The following ELOVL7 variants were observed in gnomAD, a reference collection of about 807,000 sequenced individuals.
ELOVL7 encodes the protein ELOVL fatty acid elongase 7.
Under a neutral mutation model 35.7 loss-of-function variants are expected in ELOVL7, and 27 were observed. The ratio of observed to expected loss-of-function variants is 0.76; its 90% confidence interval spans 0.56 to 1.04. ELOVL7 has a LOEUF of 1.04. Among genes scored for constraint, ELOVL7 ranks in the 50% least tolerant of loss-of-function variants. The probability of loss-of-function intolerance (pLI) is 0.00; values close to 1 mark genes in which losing one functional copy is unlikely to be tolerated. For synonymous variants in ELOVL7, 113 were observed against 114.6 expected, an observed-to-expected ratio of 0.99 and a Z score of 0.09; for missense variants, 327 against 340.8, an observed-to-expected ratio of 0.96 and a Z score of 0.32.
chr5:60,792,818 T>C (rs1744018193), intron 2 of ELOVL7, among the ~76,000 whole-genome samples: 1 of 152,198 alleles, frequency 6.6e-6, no homozygotes, highest in Non-Finnish European at 1.5e-5. Flanking sequence ...TCAGACCTGG[T>C]GATGGCTTAA....
At chr5:60,830,013 G>A (rs1451685190) in intron 1 of ELOVL7, among the ~76,000 whole-genome samples, 1 of 152,102 alleles carries the variant, frequency 6.6e-6, no homozygotes, top group African/African-American at 2.4e-5. Context: ...TCCTCCCCCT[G>A]ATCATTTCAT....
At chr5:60,773,026 C>CA (rs1174540315) in intron 3 of ELOVL7, among the ~76,000 whole-genome samples, 4 of 151,480 alleles carry the variant, frequency 2.6e-5, no homozygotes, top group Non-Finnish European at 4.4e-5. Context: ...ATATTCTGAG[C>CA]AAAAAAAATG....
In ELOVL7 at chr5:60,764,339, TA is replaced by T; in HGVS notation, c.394-8del. On this transcript the variant is annotated splice_region_variant and splice_polypyrimidine_tract_variant and intron_variant, in intron 6 of 8. Coordinates refer to ENST00000508821, the MANE Select transcript of ELOVL7 (RefSeq NM_024930.3). Reference sequence around the variant, plus strand: ...TGCGCAGAACAAAAAAGATCTGAAATAATTTAAAGAATATCAAGTTCACAGA... The same window carrying T: ...TGCGCAGAACAAAAAAGATCTGAAATATTTAAAGAATATCAAGTTCACAGA... 1 of 1,591,586 alleles carries T rather than the reference TA, an allele frequency of 6.3e-7. No homozygotes were observed. Among genetic ancestry groups the T allele is most frequent in the Non-Finnish European group, 8.6e-7 (1 of 1,160,060 alleles).
At chr5:60,817,643 A>T (rs1745592168) in intron 1 of ELOVL7, among the ~76,000 whole-genome samples, 1 of 147,696 alleles carries the variant, frequency 6.8e-6, no homozygotes, top group African/African-American at 2.5e-5. Flanking sequence ...ATTAGTATAT[A>T]TATTAAGTAT....
chr5:60,827,485 A>G (rs1288540352), intron 1 of ELOVL7, among the ~76,000 whole-genome samples: 1 of 152,198 alleles, frequency 6.6e-6, no homozygotes, highest in Non-Finnish European at 1.5e-5. Context: ...TAAACATAGA[A>G]AAACATTTTC....
chr5:60,776,594 T>G (rs1281227470), intron 3 of ELOVL7, among the ~76,000 whole-genome samples: 1 of 152,150 alleles, frequency 6.6e-6, no homozygotes, highest in Non-Finnish European at 1.5e-5. Context: ...TTGGAGACCA[T>G]TATCCTAAGC....
At position 60,803,120 on chromosome 5, in the gene ELOVL7, A is replaced by G. The variant is rs138329404; in HGVS notation, c.-85-3890T>C. ...AAATGTCCCTTCCCAGAATTGCATC[A>G]CATGCCAACATTTAAACCACGCACT... On this transcript the variant is annotated intron_variant, in intron 1 of 8. Coordinates refer to ENST00000508821, the MANE Select transcript of ELOVL7 (RefSeq NM_024930.3). Among the ~76,000 whole-genome samples, 55 of 152,276 alleles carry G rather than the reference A, an allele frequency of 3.6e-4. No homozygotes were observed. The Middle Eastern group carries it at 0.014, about 38-fold the overall frequency.
Position 60,787,374 on chromosome 5 carries a change from C to G in ELOVL7, c.24G>C (p.Ser8=). 6.2e-7 allele frequency: 1 copy of G among 1,603,756 alleles called. No homozygotes were observed. The highest frequency in any genetic ancestry group is 1.1e-5 in the South Asian group (1 of 88,580). Residue 8 remains serine (S), a synonymous_variant, in exon 3 of 9, where the codon TCG becomes TCC. Transcript: ENST00000508821. ...AATTATCATAAAGATGCACAGTCCTCGATGTAAGATCACTGAAGGCCATTT... is the reference window on the plus strand; with the variant it reads ...AATTATCATAAAGATGCACAGTCCTGGATGTAAGATCACTGAAGGCCATTT... MAFSDLT[S]RTVHLYDNWI...
intron 1 of ELOVL7, among the ~76,000 whole-genome samples, chr5:60,801,497 T>C (rs922605762): frequency 3.3e-5 from 5 of 151,026 alleles, no homozygotes; most frequent in South Asian, 2.1e-4. Context: ...AGCCCAGGAG[T>C]TGAAGACCAG....
chr5:60,756,406 T>C (rs571623846), intron 8 of ELOVL7, among the ~76,000 whole-genome samples: 4 of 152,274 alleles, frequency 2.6e-5, no homozygotes, highest in Non-Finnish European at 4.4e-5. Flanking sequence ...CTTAATTAGG[T>C]GTTCTCACGT....
intron 4 of ELOVL7, 124 bp from the exon 5 acceptor site, chr5:60,768,027 G>A: frequency 3.1e-6 from 2 of 650,052 alleles, no homozygotes; most frequent in South Asian, 4.6e-5. Flanking sequence ...CAGAGGAAAA[G>A]GTAGCTGGAA....
At chr5:60,816,209 A>G (rs4479795) in intron 1 of ELOVL7, among the ~76,000 whole-genome samples, 120,947 of 151,924 alleles carry the variant, frequency 0.8, 48,361 homozygotes, top group East Asian at 0.91. Flanking sequence ...ATGAATCCCC[A>G]TCTCTACTAA....
chr5:60,815,284 T>C (rs1164528313), intron 1 of ELOVL7, among the ~76,000 whole-genome samples: 3 of 152,226 alleles, frequency 2.0e-5, no homozygotes, highest in African/African-American at 4.8e-5. Flanking sequence ...CATAAAACTA[T>C]GGAAAATACT....
In ELOVL7 at chr5:60,817,810, A is replaced by G. The variant is rs148063697; in HGVS notation, c.-85-18580T>C. On this transcript the variant is annotated intron_variant, in intron 1 of 8. Coordinates refer to ENST00000508821, the MANE Select transcript of ELOVL7 (RefSeq NM_024930.3). Reference sequence around the variant, plus strand: ...TATACCATATATATACACACCATATATATGTGTGTGTGTATATATATGTGT... The same window carrying G: ...TATACCATATATATACACACCATATGTATGTGTGTGTGTATATATATGTGT... 6.3e-4 allele frequency among the ~76,000 whole-genome samples: 93 copies of G among 147,038 alleles called. 2 individuals are homozygous for G. In the East Asian group the frequency reaches 0.018, roughly 29 times the overall value.
intron 2 of ELOVL7, among the ~76,000 whole-genome samples, chr5:60,798,937 A>C (rs913762188): frequency 6.6e-6 from 1 of 152,224 alleles, no homozygotes; most frequent in African/African-American, 2.4e-5. Flanking sequence ...AACATTCTCC[A>C]TGACAGATGA....
intron 1 of ELOVL7, among the ~76,000 whole-genome samples, chr5:60,808,216 A>G (rs1189430722): frequency 6.6e-6 from 1 of 151,992 alleles, no homozygotes; most frequent in Admixed American, 6.6e-5. Context: ...AAAAAAAAGA[A>G]GGGCAAAGAT....
chr5:60,762,696 T>C (rs1190257212), intron 7 of ELOVL7, among the ~76,000 whole-genome samples: 1 of 152,214 alleles, frequency 6.6e-6, no homozygotes, highest in Non-Finnish European at 1.5e-5. Context: ...AAAGCACCTT[T>C]TCTAGCATAC....
rs115561483 is a variant in ELOVL7 at position 60,768,329 on chromosome 5, T to C, written c.256-426A>G. The stretch of plus-strand genomic sequence containing the variant: ...CATTTCTAGCAATTTCCAGTCTTTC[T>C]ACTTAGTCAATAACTAAACATGCAA... On this transcript the variant is annotated intron_variant, in intron 4 of 8. Coordinates refer to ENST00000508821, the MANE Select transcript of ELOVL7 (RefSeq NM_024930.3). 1.9e-3 allele frequency among the ~76,000 whole-genome samples: 284 copies of C among 152,358 alleles called. 1 individual carries two copies. The highest frequency in any genetic ancestry group is 6.6e-3 in the African/African-American group (273 of 41,588).
intron 1 of ELOVL7, among the ~76,000 whole-genome samples, chr5:60,827,564 A>G (rs1176952350): frequency 6.6e-6 from 1 of 152,220 alleles, no homozygotes; most frequent in Admixed American, 6.5e-5. Flanking sequence ...GGAGTAGGAA[A>G]GAAATCCTGG....
Sources: allele counts gnomAD v4.1 joint callset (sites outside exome capture counted in the v4.1 genomes callset), GRCh38; gene constraint gnomAD v4.1.1; transcripts MANE v1.5; gene names NCBI Gene and HGNC (gene_info 2026-07-23, HGNC 2026-07-21).